The following CHRM2 variants were observed in gnomAD, a reference collection of about 807,000 sequenced individuals.
CHRM2 encodes the protein cholinergic receptor muscarinic 2.
Under a neutral mutation model 25.0 loss-of-function variants are expected in CHRM2, and 8 were observed. The observed-to-expected ratio is 0.32, with a 90% CI of 0.19 to 0.58. The LOEUF is 0.58. Ranked by LOEUF, CHRM2 falls within the 20% of genes least tolerant of loss-of-function variation. The pLI is 0.88. For synonymous variants in CHRM2, 202 were observed against 205.7 expected, an observed-to-expected ratio of 0.98 and a Z score of 0.15; for missense variants, 440 against 567.1, an observed-to-expected ratio of 0.78 and a Z score of 2.28.
intron 2 of CHRM2, among the ~76,000 whole-genome samples, chr7:136,900,180 C>T (rs1043265960): frequency 6.6e-6 from 1 of 152,082 alleles, no homozygotes; most frequent in Non-Finnish European, 1.5e-5. Flanking sequence ...TCACCACCAA[C>T]AGCAGGTGAT....
At chr7:136,906,644 T>C (rs1449564132) in intron 2 of CHRM2, among the ~76,000 whole-genome samples, 2 of 151,874 alleles carry the variant, frequency 1.3e-5, no homozygotes, top group East Asian at 3.9e-4. Flanking sequence ...ATACTAGTTT[T>C]GTTTTAATAA....
chr7:137,012,512 C>A (rs1172668303), intron 3 of CHRM2, among the ~76,000 whole-genome samples: 1 of 151,888 alleles, frequency 6.6e-6, no homozygotes, highest in Non-Finnish European at 1.5e-5. Context: ...CACCTTTTTG[C>A]TTAAATAAAA....
At chr7:136,987,899 T>C (rs553735027) in intron 2 of CHRM2, among the ~76,000 whole-genome samples, 19 of 152,302 alleles carry the variant, frequency 1.2e-4, no homozygotes, top group African/African-American at 4.6e-4. Flanking sequence ...TTTTATTACA[T>C]ATTTTTATAA....
intron 2 of CHRM2, among the ~76,000 whole-genome samples, chr7:136,953,822 T>G (rs1443467321): frequency 6.6e-6 from 1 of 152,094 alleles, no homozygotes; most frequent in African/African-American, 2.4e-5. Context: ...TGGCTCCTAG[T>G]TGTACCCCAC....
intron 2 of CHRM2, among the ~76,000 whole-genome samples, chr7:136,986,019 A>G (rs928550193): frequency 2.0e-5 from 3 of 152,136 alleles, no homozygotes; most frequent in African/African-American, 7.2e-5. Context: ...GTTCTTTTTT[A>G]TATAAATGAA....
chr7:136,999,204 A>G (rs1346197722), intron 3 of CHRM2, among the ~76,000 whole-genome samples: 1 of 152,098 alleles, frequency 6.6e-6, no homozygotes, highest in Non-Finnish European at 1.5e-5. Flanking sequence ...ACTGTTCATT[A>G]TCTTTCAAAA....
chr7:136,978,810 G>A (rs567080436), intron 2 of CHRM2, among the ~76,000 whole-genome samples: 23 of 152,194 alleles, frequency 1.5e-4, no homozygotes, highest in Middle Eastern at 3.4e-3. Context: ...ATAGTATTCC[G>A]TGGTGTATAT....
chr7:136,970,815 G>A (rs971370456), intron 2 of CHRM2, among the ~76,000 whole-genome samples: 11 of 152,080 alleles, frequency 7.2e-5, no homozygotes, highest in Non-Finnish European at 1.0e-4. Context: ...GTTAAACTCT[G>A]TCTCACTCAC....
Position 136,991,797 on chromosome 7 carries a change from T to C in CHRM2, c.-124-390T>C, listed in dbSNP as rs151292060. ...TCTGTATGATGAAACTTAGCAAATA[T>C]ACTCTTTGTCATGGAGGCAAACTAC... On this transcript the variant is annotated intron_variant, in intron 2 of 3. Coordinates refer to ENST00000680005, the MANE Select transcript of CHRM2 (RefSeq NM_001006630.2). Among the ~76,000 whole-genome samples, 10 of 152,278 alleles carry C rather than the reference T, an allele frequency of 6.6e-5. No individual in the cohort carries two copies. The East Asian group carries it at 1.9e-3, about 29-fold the overall frequency.
chr7:136,980,236 G>C (rs1238576717), intron 2 of CHRM2, among the ~76,000 whole-genome samples: 2 of 152,018 alleles, frequency 1.3e-5, no homozygotes, highest in African/African-American at 2.4e-5. Context: ...TCATGATTTG[G>C]CTCTCTGTTT....
Position 137,011,215 on chromosome 7 carries a change from G to GTGTGTGTGTGTGTATATATATATA in CHRM2, c.-46-3604_-46-3603insGTGTGTGTGTGTATATATATATAT. Among the ~76,000 whole-genome samples the GTGTGTGTGTGTGTATATATATATA allele has an allele frequency of 8.4e-3, 1,120 of 134,094 alleles. 15 individuals carry two copies. Among genetic ancestry groups the GTGTGTGTGTGTGTATATATATATA allele is most frequent in the Middle Eastern group, 0.019 (5 of 264 alleles). The allele number at this position is 134,094 out of a possible 152,430, so 88.0% of individuals were successfully genotyped here. On this transcript the variant is annotated intron_variant, in intron 3 of 3. Coordinates refer to ENST00000680005, the MANE Select transcript of CHRM2 (RefSeq NM_001006630.2). ...TGTACGTGTGTGTGTGTGTGTGTGT[G>GTGTGTGTGTGTGTATATATATATA]TATATATATATATATATATGGATTT...
chr7:137,003,098 T>C (rs1312608078), intron 3 of CHRM2, among the ~76,000 whole-genome samples: 1 of 152,176 alleles, frequency 6.6e-6, no homozygotes, highest in Non-Finnish European at 1.5e-5. Context: ...CGTTCACAGA[T>C]GCATCACAGT....
chr7:136,960,083 G>A (rs1372331190), intron 2 of CHRM2, among the ~76,000 whole-genome samples: 1 of 152,166 alleles, frequency 6.6e-6, no homozygotes, highest in Admixed American at 6.5e-5. Flanking sequence ...GGCTGTCCTA[G>A]AACTGGGCAC....
chr7:136,953,732 GAAA>G (rs5887821), intron 2 of CHRM2, among the ~76,000 whole-genome samples: 1 of 148,850 alleles, frequency 6.7e-6, no homozygotes, highest in Non-Finnish European at 1.5e-5. Context: ...AAAATTTAAT[GAAA>G]AAAAAAAACA....
intron 2 of CHRM2, chr7:136,898,703 T>C (rs1332407364): frequency 1.3e-5 from 2 of 151,980 alleles, no homozygotes; most frequent in Non-Finnish European, 2.9e-5. Flanking sequence ...GGTAAAAGAT[T>C]TACTCAATGT....
intron 3 of CHRM2, among the ~76,000 whole-genome samples, chr7:137,000,555 G>GGAAA (rs1272938111): frequency 7.3e-6 from 1 of 137,100 alleles, no homozygotes; most frequent in East Asian, 2.0e-4. Flanking sequence ...AAAGAAGGAA[G>GGAAA]GAAGGAAGGA....
chr7:137,014,763 T>A (rs1805059602), intron 3 of CHRM2, 57 bp from the exon 4 acceptor site: 2 of 1,039,142 alleles, frequency 1.9e-6, no homozygotes, highest in Admixed American at 2.0e-5. Flanking sequence ...AACAACATTA[T>A]GTATTTTAAA....
intron 3 of CHRM2, among the ~76,000 whole-genome samples, chr7:136,999,701 A>C (rs773717991): frequency 6.6e-6 from 1 of 152,124 alleles, no homozygotes; most frequent in Non-Finnish European, 1.5e-5. Flanking sequence ...GGATATCCAA[A>C]ATCTGCTGCT....
At chr7:136,917,406 T>G (rs1798183583) in intron 2 of CHRM2, among the ~76,000 whole-genome samples, 2 of 152,000 alleles carry the variant, frequency 1.3e-5, no homozygotes, top group African/African-American at 4.8e-5. Context: ...TTCATAACAG[T>G]GTGAGAACAT....
Sources: gnomAD v4.1 joint callset for allele counts (sites outside exome capture counted in the v4.1 genomes callset) on GRCh38, gnomAD v4.1.1 for gene constraint, MANE v1.5 for transcripts, NCBI Gene and HGNC (gene_info 2026-07-23, HGNC 2026-07-21) for gene names.